Variants in SLC4A4 observed in about 807,000 individuals in gnomAD.
SLC4A4 encodes the protein solute carrier family 4 member 4, also known as electrogenic sodium bicarbonate cotransporter 1.
Under a neutral mutation model 111.5 loss-of-function variants are expected in SLC4A4, and 27 were observed. That is an observed-to-expected ratio of 0.24 (90% confidence interval 0.18 to 0.33). SLC4A4 has a LOEUF of 0.33. Ranked by LOEUF, SLC4A4 falls within the 10% of genes least tolerant of loss-of-function variation. SLC4A4 has a pLI of 1.00. For synonymous variants in SLC4A4, 443 were observed against 463.4 expected (o/e 0.96, Z 0.57); for missense variants, 909 against 1,315.5 (o/e 0.69, Z 4.78).
At chr4:71,146,728 C>G (rs1451437443) in intron 2 of SLC4A4, among the ~76,000 whole-genome samples, 1 of 152,052 alleles carries the variant, frequency 6.6e-6, no homozygotes, top group East Asian at 1.9e-4. Context: ...TAAAAGAGCT[C>G]CTGAAGGAAG....
intron 6 of SLC4A4, among the ~76,000 whole-genome samples, chr4:71,359,925 T>TAA (rs1298309086): frequency 1.5e-3 from 225 of 152,308 alleles, no homozygotes; most frequent in African/African-American, 5.2e-3. Context: ...AACTGAAATT[T>TAA]ATAGAGATAA....
intron 2 of SLC4A4, among the ~76,000 whole-genome samples, chr4:71,154,420 C>T (rs1404822339): frequency 6.6e-6 from 1 of 151,976 alleles, no homozygotes; most frequent in Non-Finnish European, 1.5e-5. Context: ...GTGGGATACA[C>T]AGCATAAGAA....
intron 14 of SLC4A4, among the ~76,000 whole-genome samples, chr4:71,475,749 A>G (rs1204307009): frequency 4.6e-5 from 7 of 151,870 alleles, no homozygotes. Context: ...TAATAATAGT[A>G]CCTACCTTAT....
chr4:71,487,156 A>C, intron 15 of SLC4A4, 138 bp downstream of exon 15: 1 of 518,592 alleles, frequency 1.9e-6, no homozygotes. Context: ...TTGACAGTGG[A>C]GGGACGGGAA....
chr4:71,092,459 G>T (rs1343529632), intron 1 of SLC4A4, among the ~76,000 whole-genome samples: 1 of 152,128 alleles, frequency 6.6e-6, no homozygotes, highest in African/African-American at 2.4e-5. Context: ...AGTTCATAAG[G>T]AGATATTTGT....
chr4:71,214,224 C>T (rs1000388299), intron 1 of SLC4A4, among the ~76,000 whole-genome samples: 1 of 152,074 alleles, frequency 6.6e-6, no homozygotes, highest in African/African-American at 2.4e-5. Flanking sequence ...TACACAGCCC[C>T]GTATACAACA....
At chr4:71,451,780 G>C (rs1725786445) in intron 11 of SLC4A4, among the ~76,000 whole-genome samples, 1 of 152,108 alleles carries the variant, frequency 6.6e-6, no homozygotes, top group East Asian at 1.9e-4. Flanking sequence ...AGAGGGGAAT[G>C]ACTGAGGGTG....
intron 3 of SLC4A4, among the ~76,000 whole-genome samples, chr4:71,292,932 T>C: frequency 7.1e-6 from 1 of 140,386 alleles, no homozygotes; most frequent in Non-Finnish European, 1.5e-5. Context: ...ACCTCTGCCC[T>C]CTGAGTTCAA....
chr4:71,082,340 C>T (rs1252770368), intron 1 of SLC4A4, among the ~76,000 whole-genome samples: 1 of 151,874 alleles, frequency 6.6e-6, no homozygotes, highest in Non-Finnish European at 1.5e-5. Flanking sequence ...ATAACTGTCC[C>T]CCCCACCACT....
intron 14 of SLC4A4, among the ~76,000 whole-genome samples, chr4:71,486,708 C>G (rs1455910609): frequency 2.0e-5 from 3 of 150,680 alleles, no homozygotes; most frequent in African/African-American, 4.9e-5. Flanking sequence ...TTAATACCGT[C>G]TCTTTAAATA....
At chr4:71,499,851 A>G (rs998757188) in intron 16 of SLC4A4, among the ~76,000 whole-genome samples, 3 of 152,180 alleles carry the variant, frequency 2.0e-5, no homozygotes, top group Admixed American at 2.0e-4. Context: ...GGCTGATTCC[A>G]TATCTTGGCC....
intron 2 of SLC4A4, among the ~76,000 whole-genome samples, chr4:71,141,088 A>G (rs1560740573): frequency 6.6e-6 from 1 of 152,208 alleles, no homozygotes; most frequent in Non-Finnish European, 1.5e-5. Flanking sequence ...CATACTGAGC[A>G]ATAGAACTCA....
chr4:71,281,337 G>A (rs1248515417), intron 3 of SLC4A4, among the ~76,000 whole-genome samples: 1 of 152,174 alleles, frequency 6.6e-6, no homozygotes, highest in East Asian at 1.9e-4. Context: ...GGCAACAAGA[G>A]TACGTTTGGT....
intron 2 of SLC4A4, among the ~76,000 whole-genome samples, chr4:71,148,629 A>G (rs1378304951): frequency 6.6e-6 from 1 of 152,096 alleles, no homozygotes; most frequent in Non-Finnish European, 1.5e-5. Flanking sequence ...GCTTCCACTT[A>G]TAAAAGAGAG....
At chr4:71,496,184 A>T (rs1187875567) in intron 15 of SLC4A4, among the ~76,000 whole-genome samples, 1 of 152,102 alleles carries the variant, frequency 6.6e-6, no homozygotes, top group African/African-American at 2.4e-5. Flanking sequence ...TGATTAAATC[A>T]TCCAAGTTTC....
At chr4:71,431,667 T>C (rs2149042239) in intron 7 of SLC4A4, among the ~76,000 whole-genome samples, 1 of 152,064 alleles carries the variant, frequency 6.6e-6, no homozygotes, top group Non-Finnish European at 1.5e-5. Flanking sequence ...GCACCACACA[T>C]TTTTATTTTA....
chr4:71,398,812 A>G (rs538462437), intron 7 of SLC4A4, among the ~76,000 whole-genome samples: 35 of 152,188 alleles, frequency 2.3e-4, no homozygotes, highest in Non-Finnish European at 4.4e-4. Flanking sequence ...CAGAAAATCA[A>G]ATATCTGATC....
chr4:71,315,039 T>C lies in SLC4A4; in HGVS notation c.254-24331T>C, dbSNP rs144678049. Among the ~76,000 whole-genome samples, 5 of 152,270 alleles carry C rather than the reference T, an allele frequency of 3.3e-5. No homozygotes were observed. In the South Asian group the frequency reaches 6.2e-4, roughly 19 times the overall value. Reference sequence around the variant, plus strand: ...TTTATTCATGCTGTTGAAGGGAGATTGGATAAGCTAGACATATTAAATAAT... The same window carrying C: ...TTTATTCATGCTGTTGAAGGGAGATCGGATAAGCTAGACATATTAAATAAT... On this transcript the variant is annotated intron_variant, in intron 3 of 25. Transcript: ENST00000264485.
chr4:71,125,889 A>C (rs964997703), intron 2 of SLC4A4, among the ~76,000 whole-genome samples: 4 of 152,212 alleles, frequency 2.6e-5, no homozygotes, highest in Non-Finnish European at 5.9e-5. Flanking sequence ...CAGATCACTC[A>C]TTTTAAGAAG....
Sources: allele counts gnomAD v4.1 joint callset (sites outside exome capture counted in the v4.1 genomes callset), GRCh38; gene constraint gnomAD v4.1.1; transcripts MANE v1.5; gene names NCBI Gene and HGNC (gene_info 2026-07-23, HGNC 2026-07-21).